Variants in ANKIB1 observed in about 807,000 individuals in gnomAD.
The protein encoded by ANKIB1 is ankyrin repeat and IBR domain containing 1.
ANKIB1 carries 43 observed loss-of-function variants against 122.1 expected under a neutral mutation model. The ratio of observed to expected loss-of-function variants is 0.35; its 90% CI spans 0.28 to 0.45. The LOEUF (loss-of-function observed/expected upper bound fraction) is 0.45. Ranked by LOEUF, ANKIB1 falls within the 20% of genes least tolerant of loss-of-function variation. The pLI is 1.00. For missense variants in ANKIB1, 992 were observed against 1,329.5 expected (o/e 0.75, Z 3.95); for synonymous variants, 390 against 442.0 (o/e 0.88, Z 1.48).
intron 4 of ANKIB1, among the ~76,000 whole-genome samples, chr7:92,324,264 C>T (rs990206462): frequency 6.6e-6 from 1 of 152,164 alleles, no homozygotes; most frequent in African/African-American, 2.4e-5. Flanking sequence ...GACAGAGTCT[C>T]ACTGTGTTGC....
chr7:92,257,187 G>A (rs1349182266), intron 1 of ANKIB1, among the ~76,000 whole-genome samples: 126 of 135,308 alleles, frequency 9.3e-4, no homozygotes, highest in African/African-American at 3.1e-3. Flanking sequence ...ACTCTGTCTC[G>A]AAAAGAAAAA....
At chr7:92,262,420 C>T (rs528309679) in intron 1 of ANKIB1, among the ~76,000 whole-genome samples, 3 of 152,170 alleles carry the variant, frequency 2.0e-5, no homozygotes, top group East Asian at 3.9e-4. Context: ...CAACTTTACC[C>T]AAAATAGTGA....
rs755899387 is a variant in ANKIB1, at chr7:92,343,125, A to G, written c.889A>G (p.Asn297Asp). 15 of 1,613,826 alleles carry G rather than the reference A, an allele frequency of 9.3e-6. No homozygotes were observed. Among genetic ancestry groups the G allele is most frequent in the African/African-American group, 1.3e-5 (1 of 74,924 alleles). The change falls in exon 6 of 20, where the codon AAT becomes GAT. Residue 297 changes from asparagine (N) to aspartate (D), a missense_variant. Asn to Asp is a conservative substitution (Grantham distance 23). Coordinates refer to ENST00000265742, the MANE Select transcript of ANKIB1 (RefSeq NM_019004.2). ...QMPTPPPSGY[N>D]AWDTLPSPRT... ...GCCAACTCCACCACCAAGTGGGTAT[A>G]ATGCCTGGGACACGCTCCCATCTCC... is the stretch of plus-strand genomic sequence containing the variant.
intron 9 of ANKIB1, among the ~76,000 whole-genome samples, chr7:92,354,570 T>C (rs1330475001): frequency 6.6e-6 from 1 of 152,230 alleles, no homozygotes; most frequent in Non-Finnish European, 1.5e-5. Context: ...CAAACTCAGA[T>C]TTAAGTTCTT....
At chr7:92,376,434 A>C (rs184336534) in intron 11 of ANKIB1, among the ~76,000 whole-genome samples, 11 of 149,388 alleles carry the variant, frequency 7.4e-5, no homozygotes, top group Admixed American at 4.0e-4. Flanking sequence ...TTTACCTTGC[A>C]CTTTTTTTTT....
intron 1 of ANKIB1, among the ~76,000 whole-genome samples, chr7:92,268,365 T>C (rs2131889216): frequency 6.6e-6 from 1 of 152,370 alleles, no homozygotes; most frequent in Admixed American, 6.5e-5. Flanking sequence ...AAAGCATTTC[T>C]AGCCCCTTGA....
At position 92,327,910 on chromosome 7, in the gene ANKIB1, GAA is replaced by G; in HGVS notation, c.787+12_787+13del. 1 of 1,535,860 alleles carries G rather than the reference GAA, an allele frequency of 6.5e-7. No individual in the cohort carries two copies. Among genetic ancestry groups the G allele is most frequent in the Non-Finnish European group, 8.8e-7 (1 of 1,132,728 alleles). On this transcript the variant is annotated intron_variant, in intron 5 of 19. Transcript: ENST00000265742. ...TTACTTCGAGCTCATGGTAATGAAAGAAATGTCTTATGCTTCTAAGAACATGA... is the reference window on the plus strand; with the variant it reads ...TTACTTCGAGCTCATGGTAATGAAAGATGTCTTATGCTTCTAAGAACATGA...
chr7:92,342,663 T>C (rs1803462630), intron 5 of ANKIB1, among the ~76,000 whole-genome samples: 1 of 152,212 alleles, frequency 6.6e-6, no homozygotes, highest in Admixed American at 6.5e-5. Flanking sequence ...TAAAAAATTA[T>C]ATATACTTTT....
chr7:92,400,646 G>A lies in ANKIB1; in HGVS notation c.*1697G>A, dbSNP rs1335516976. The A allele has an allele frequency of 2.0e-5, 3 of 151,842 alleles. No individual in the cohort carries two copies. The highest frequency in any genetic ancestry group is 2.9e-5 in the Non-Finnish European group (2 of 67,988). 9.4% of individuals were successfully genotyped at this position (151,842 alleles called of 1,614,324 possible). ...TTGTACTTAAAATTCATATTGCTAAGACACTGTATTAGAATATTTAATATT... is the reference window on the plus strand; with the variant it reads ...TTGTACTTAAAATTCATATTGCTAAAACACTGTATTAGAATATTTAATATT... On this transcript the variant is annotated 3_prime_UTR_variant, in exon 20 of 20. Transcript: ENST00000265742.
intron 11 of ANKIB1, among the ~76,000 whole-genome samples, chr7:92,374,820 C>G (rs1167982774): frequency 1.3e-5 from 2 of 149,978 alleles, no homozygotes; most frequent in Admixed American, 1.3e-4. Flanking sequence ...ATAAATAAAT[C>G]CAAAAAGTGA....
In ANKIB1 at chr7:92,290,307, T is replaced by C. The variant is rs187633923; in HGVS notation, c.-90-4582T>C. ...CTGGCTAAAGCATTTAGTTGTAGAT[T>C]TAAGGTTGTTGTTATCAGTAATGCA... On this transcript the variant is annotated intron_variant, in intron 1 of 19. Transcript: ENST00000265742. 3.0e-3 allele frequency among the ~76,000 whole-genome samples: 455 copies of C among 152,158 alleles called. 1 individual carries two copies. Among genetic ancestry groups the C allele is most frequent in the African/African-American group, 0.01 (431 of 41,500 alleles).
chr7:92,372,720 C>G (rs772643180), intron 11 of ANKIB1, among the ~76,000 whole-genome samples: 2 of 152,134 alleles, frequency 1.3e-5, no homozygotes, highest in Non-Finnish European at 2.9e-5. Context: ...GTGTTTAAAA[C>G]AAATATGCTG....
chr7:92,309,623 G>A (rs193054217), intron 3 of ANKIB1, among the ~76,000 whole-genome samples: 2 of 151,830 alleles, frequency 1.3e-5, no homozygotes, highest in African/African-American at 4.8e-5. Flanking sequence ...GGTAGCAATA[G>A]TGCTCTTAAA....
intron 1 of ANKIB1, among the ~76,000 whole-genome samples, chr7:92,253,420 C>T (rs962125124): frequency 6.6e-6 from 1 of 152,214 alleles, no homozygotes; most frequent in Admixed American, 6.5e-5. Context: ...GCCTATGACT[C>T]TGTGCAACTC....
chr7:92,396,645 T>A (rs894763596), intron 18 of ANKIB1, among the ~76,000 whole-genome samples, 169 bp downstream of exon 18: 1 of 152,190 alleles, frequency 6.6e-6, no homozygotes, highest in African/African-American at 2.4e-5. Context: ...AGGAGCATGG[T>A]CTGTGGAGTT....
At chr7:92,360,925 C>T (rs1015190859) in intron 9 of ANKIB1, among the ~76,000 whole-genome samples, 4 of 152,002 alleles carry the variant, frequency 2.6e-5, no homozygotes, top group Non-Finnish European at 4.4e-5. Flanking sequence ...ACTGCAGTGG[C>T]ATGATGTCAG....
chr7:92,358,093 T>A (rs1803862080), intron 9 of ANKIB1, among the ~76,000 whole-genome samples: 1 of 152,004 alleles, frequency 6.6e-6, no homozygotes, highest in Non-Finnish European at 1.5e-5. Context: ...ATACAAAAAA[T>A]TAGCTGGGCA....
At chr7:92,268,638 G>T (rs1801721920) in intron 1 of ANKIB1, among the ~76,000 whole-genome samples, 1 of 152,090 alleles carries the variant, frequency 6.6e-6, no homozygotes, top group Admixed American at 6.5e-5. Context: ...AGCACACCTG[G>T]CTAATTTTTG....
In ANKIB1 at chr7:92,357,802, A is replaced by G. The variant is rs534608003; in HGVS notation, c.1398-4383A>G. 9.1e-4 allele frequency among the ~76,000 whole-genome samples: 139 copies of G among 151,976 alleles called. 3 individuals are homozygous for G. In the South Asian group the frequency reaches 0.028, roughly 31 times the overall value. On this transcript the variant is annotated intron_variant, in intron 9 of 19. Coordinates refer to ENST00000265742, the MANE Select transcript of ANKIB1 (RefSeq NM_019004.2). ...AAGTTGGCATTCTAGCATCTTCACT[A>G]CTTTTCTCAAAATAACCTCTCTTCC...
Sources: allele counts gnomAD v4.1 joint callset (sites outside exome capture counted in the v4.1 genomes callset), GRCh38; gene constraint gnomAD v4.1.1; transcripts MANE v1.5; gene names NCBI Gene and HGNC (gene_info 2026-07-23, HGNC 2026-07-21).